The following PNPLA3 variants were observed in gnomAD, a reference collection of about 807,000 sequenced individuals.
The protein encoded by PNPLA3 is 1-acylglycerol-3-phosphate O-acyltransferase PNPLA3.
A neutral mutation model predicts 43.1 loss-of-function variants in PNPLA3; 42 were observed. The ratio of observed to expected loss-of-function variants is 0.97; its 90% confidence interval spans 0.76 to 1.26. PNPLA3 has a LOEUF of 1.26. PNPLA3 is among the 50% of genes most tolerant of loss of function. The pLI is 0.00. For missense variants in PNPLA3, 647 were observed against 621.4 expected, an observed-to-expected ratio of 1.04 and a Z score of -0.44; for synonymous variants, 272 against 253.6, an observed-to-expected ratio of 1.07 and a Z score of -0.69.
rs755366820 is a variant in PNPLA3, at chr22:43,932,964, C to T, written c.573C>T (p.Tyr191=). Residue 191 remains tyrosine, a synonymous_variant, in exon 4 of 9, where the codon TAC becomes TAT. Transcript: ENST00000216180. ...CCGTGTCCCCCTTCTATGGGGAGTA[C>T]GACATCTGCCCTAAAGTCAAGTCCA... ...TITVSPFYGE[Y]DICPKVKSTN... is the part of the protein sequence containing the mutation. The T allele has an allele frequency of 3.5e-5, 56 of 1,613,964 alleles. No homozygotes were observed. Among genetic ancestry groups the T allele is most frequent in the South Asian group, 2.1e-4 (19 of 91,082 alleles).
At position 43,944,762 on chromosome 22, in the gene PNPLA3, C is replaced by G. The variant is rs144730517; in HGVS notation, c.1184C>G (p.Thr395Ser). The G allele has an allele frequency of 1.7e-4, 267 of 1,614,172 alleles. No homozygotes were observed. The African/African-American group carries it at 3.0e-3, about 18-fold the overall frequency. Reference protein sequence around the residue: ...WLQWVTSQVFTRVLMCLLPAS... With the variant: ...WLQWVTSQVFSRVLMCLLPAS... ...CAGTGGGTGACCTCACAGGTGTTCA[C>G]TCGAGTGCTGATGTGTCTGCTCCCC... The change falls in exon 8 of 9, where the codon ACT (threonine) becomes AGT (serine). Residue 395 changes from threonine to serine, a missense_variant. Physicochemically the swap from Thr to Ser is moderately conservative, Grantham distance 58. Transcript: ENST00000216180.
intron 6 of PNPLA3, among the ~76,000 whole-genome samples, 157 bp downstream of exon 6, chr22:43,937,429 A>C (rs1052428518): frequency 5.3e-5 from 8 of 152,162 alleles, no homozygotes; most frequent in African/African-American, 1.9e-4. Flanking sequence ...GGCTGCTGCC[A>C]TCACTCCCAG....
intron 7 of PNPLA3, among the ~76,000 whole-genome samples, chr22:43,944,161 C>T (rs1369626778): frequency 6.6e-6 from 1 of 152,178 alleles, no homozygotes; most frequent in Non-Finnish European, 1.5e-5. Context: ...TAGATTCCTT[C>T]TCCACTCCCC....
chr22:43,931,209 A>G (rs999030577), intron 3 of PNPLA3, among the ~76,000 whole-genome samples: 3 of 152,184 alleles, frequency 2.0e-5, no homozygotes, highest in African/African-American at 7.2e-5. Flanking sequence ...ATGCTGTGTC[A>G]TCACCCGTTG....
Position 43,946,519 on chromosome 22 carries a change from T to G in PNPLA3, c.*137T>G. On this transcript the variant is annotated 3_prime_UTR_variant, in exon 9 of 9. Transcript: ENST00000216180. ...ATCCCAGCCTCTGAGCTGAGTTGGT[T>G]TTATGAAAAGCTAGGAAGCAACCTT... The G allele has an allele frequency of 1.1e-6, 1 of 894,822 alleles. No homozygotes were observed. Among genetic ancestry groups the G allele is most frequent in the Non-Finnish European group, 1.8e-6 (1 of 557,178 alleles). 55.4% of individuals were successfully genotyped at this position (894,822 alleles called of 1,614,324 possible).
rs889019607 is a variant in PNPLA3 at position 43,932,819 on chromosome 22, A to G, written c.487-59A>G. ...GCCCACATGTGAAAGCTTGTTAAGC[A>G]CTTAAGCACTAACCCAGAGCTTCAG... is the stretch of plus-strand genomic sequence containing the variant. On this transcript the variant is annotated intron_variant, in intron 3 of 8. Coordinates refer to ENST00000216180, the MANE Select transcript of PNPLA3 (RefSeq NM_025225.3). 3.4e-6 allele frequency: 5 copies of G among 1,489,650 alleles called. No homozygotes were observed. In the African/African-American group the frequency reaches 5.5e-5, roughly 16 times the overall value. 92.3% of individuals were successfully genotyped at this position (1,489,650 alleles called of 1,614,324 possible). A position where few individuals can be genotyped will look rare whatever the true frequency, so the allele number is the denominator to read the frequency against.
At chr22:43,939,873 C>G in intron 6 of PNPLA3, 120 bp from the exon 7 acceptor site, 2 of 1,398,478 alleles carry the variant, frequency 1.4e-6, no homozygotes. Flanking sequence ...TTTGTGAGTG[C>G]CTCTGACCCT....
chr22:43,932,714 G>A (rs7288688), intron 3 of PNPLA3, among the ~76,000 whole-genome samples, 164 bp from the exon 4 acceptor site: 1 of 152,166 alleles, frequency 6.6e-6, no homozygotes, highest in Non-Finnish European at 1.5e-5. Context: ...CGGAATGCTC[G>A]GTAAGGATTT....
intron 4 of PNPLA3, among the ~76,000 whole-genome samples, chr22:43,933,682 G>T (rs1054817276): frequency 6.6e-6 from 1 of 152,180 alleles, no homozygotes; most frequent in Admixed American, 6.5e-5. Flanking sequence ...CCACTAAGAT[G>T]ATTCTTATTT....
chr22:43,931,603 G>C (rs978745336), intron 3 of PNPLA3, among the ~76,000 whole-genome samples: 1 of 152,032 alleles, frequency 6.6e-6, no homozygotes, highest in Non-Finnish European at 1.5e-5. Context: ...GCAACCCTCG[G>C]CTCCTGGGTT....
chr22:43,931,312 A>C (rs36055245), intron 3 of PNPLA3, among the ~76,000 whole-genome samples: 1 of 152,044 alleles, frequency 6.6e-6, no homozygotes, highest in African/African-American at 2.4e-5. Flanking sequence ...TACATACCGC[A>C]TGCTAATCAA....
chr22:43,925,805 C>T (rs1489198415), intron 1 of PNPLA3, among the ~76,000 whole-genome samples: 2 of 152,214 alleles, frequency 1.3e-5, no homozygotes, highest in Non-Finnish European at 2.9e-5. Context: ...CCCAAGGTGG[C>T]CTGTGGACAC....
intron 6 of PNPLA3, chr22:43,939,526 C>A (rs35621602): frequency 0.17 from 123,320 of 736,014 alleles, 11,421 homozygotes; most frequent in East Asian, 0.38. Context: ...GTGAAGGGAG[C>A]AGCCTGGGCC....
chr22:43,944,969 T>A (rs575594353), intron 8 of PNPLA3, among the ~76,000 whole-genome samples, 174 bp downstream of exon 8: 1 of 152,274 alleles, frequency 6.6e-6, no homozygotes, highest in East Asian at 1.9e-4. Context: ...CTGGCACACC[T>A]GCTGAGAGCT....
At chr22:43,924,626 C>A (rs2146771979) in intron 1 of PNPLA3, among the ~76,000 whole-genome samples, 1 of 152,012 alleles carries the variant, frequency 6.6e-6, no homozygotes, top group African/African-American at 2.4e-5. Context: ...AGACACCCCG[C>A]GCCTGCGCTT....
intron 2 of PNPLA3, 105 bp downstream of exon 2, chr22:43,927,272 G>T (rs1352492668): frequency 9.6e-7 from 1 of 1,046,152 alleles, no homozygotes; most frequent in Admixed American, 2.0e-5. Flanking sequence ...GCCGAAGCGG[G>T]TGGGTTGCTT....
chr22:43,925,138 C>T (rs966127356), intron 1 of PNPLA3, among the ~76,000 whole-genome samples: 5 of 152,120 alleles, frequency 3.3e-5, no homozygotes, highest in Admixed American at 2.6e-4. Context: ...GGAGTGCATC[C>T]CTGGACACCC....
At position 43,932,967 on chromosome 22, in the gene PNPLA3, C is replaced by T; in HGVS notation, c.576C>T (p.Asp192=). Residue 192 remains aspartate, a synonymous_variant, in exon 4 of 9, where the codon GAC becomes GAT. Coordinates refer to ENST00000216180, the MANE Select transcript of PNPLA3 (RefSeq NM_025225.3). The part of the protein sequence containing the change: ...ITVSPFYGEY[D]ICPKVKSTNF... ...TGTCCCCCTTCTATGGGGAGTACGA[C>T]ATCTGCCCTAAAGTCAAGTCCACGA... 1 of 1,614,188 alleles carries T rather than the reference C, an allele frequency of 6.2e-7. No homozygotes were observed. Among genetic ancestry groups the T allele is most frequent in the South Asian group, 1.1e-5 (1 of 91,082 alleles).
chr22:43,937,049 A>C lies in PNPLA3; in HGVS notation c.758-2A>C. On this transcript the variant is annotated splice_acceptor_variant, in intron 5 of 8. Coordinates refer to ENST00000216180, the MANE Select transcript of PNPLA3 (RefSeq NM_025225.3). LOFTEE classifies it high-confidence loss of function. ...TGGGCTTGTTTTCCGTGCCCTTCACAGGCATCTGCAACAGGCCCCAGCCAG... is the reference window on the plus strand; with the variant it reads ...TGGGCTTGTTTTCCGTGCCCTTCACCGGCATCTGCAACAGGCCCCAGCCAG... 6.2e-7 allele frequency: 1 copy of C among 1,612,468 alleles called. No homozygotes were observed. Among genetic ancestry groups the C allele is most frequent in the South Asian group, 1.1e-5 (1 of 91,036 alleles).
Sources: gnomAD v4.1 joint callset for allele counts (sites outside exome capture counted in the v4.1 genomes callset) on GRCh38, gnomAD v4.1.1 for gene constraint, MANE v1.5 for transcripts, NCBI Gene and HGNC (gene_info 2026-07-23, HGNC 2026-07-21) for gene names.